The following DLGAP5 variants were observed in gnomAD, a reference collection of about 807,000 sequenced individuals.
The protein encoded by DLGAP5 is DLG associated protein 5, also known as disks large-associated protein 5.
Under a neutral mutation model 99.6 loss-of-function variants are expected in DLGAP5, and 90 were observed. The ratio of observed to expected loss-of-function variants is 0.90; its 90% CI spans 0.76 to 1.08. DLGAP5 has a LOEUF of 1.08. Ranked by LOEUF, DLGAP5 falls within the 50% of genes least tolerant of loss-of-function variation. The pLI, the probability that DLGAP5 is intolerant of heterozygous loss-of-function variation, is 0.00. For synonymous variants in DLGAP5, 311 were observed against 321.3 expected, an observed-to-expected ratio of 0.97 and a Z score of 0.34; for missense variants, 1,036 against 983.5, an observed-to-expected ratio of 1.05 and a Z score of -0.71.
intron 7 of DLGAP5, among the ~76,000 whole-genome samples, 192 bp from the exon 8 acceptor site, chr14:55,177,528 C>T (rs1211550605): frequency 6.6e-6 from 1 of 151,112 alleles, no homozygotes; most frequent in Non-Finnish European, 1.5e-5. Context: ...TTGCTATTAC[C>T]CGGGAATAGA....
At chr14:55,181,327 T>A in intron 4 of DLGAP5, 30 bp from the exon 5 acceptor site, 4 of 1,536,878 alleles carry the variant, frequency 2.6e-6, no homozygotes, top group Non-Finnish European at 3.6e-6. Context: ...CTATGTGATT[T>A]AATTGCATAA....
chr14:55,152,289 A>G (rs1166892959), intron 16 of DLGAP5, among the ~76,000 whole-genome samples: 3 of 152,266 alleles, frequency 2.0e-5, no homozygotes, highest in East Asian at 1.9e-4. Context: ...GCAGCCAGAT[A>G]GAATACATAA....
intron 8 of DLGAP5, among the ~76,000 whole-genome samples, 156 bp from the exon 9 acceptor site, chr14:55,176,174 C>T (rs989590630): frequency 5.9e-5 from 9 of 152,118 alleles, no homozygotes; most frequent in African/African-American, 1.7e-4. Context: ...ATGTAAACAC[C>T]TATAGTGTGA....
In DLGAP5 at chr14:55,159,033, T is replaced by C. The variant is rs183584800; in HGVS notation, c.1654-292A>G. Among the ~76,000 whole-genome samples, 15 of 140,910 alleles carry C rather than the reference T, an allele frequency of 1.1e-4. No homozygotes were observed. In the East Asian group the frequency reaches 3.1e-3, roughly 29 times the overall value. The allele number at this position is 140,910 out of a possible 152,430, so 92.4% of individuals were successfully genotyped here. A position where few individuals can be genotyped will look rare whatever the true frequency, so the allele number is the denominator to read the frequency against. ...AATTTAGGGGACATCCTTTAGATTA[T>C]AACCATGACACCCCCCCCCCATAAA... On this transcript the variant is annotated intron_variant, in intron 13 of 18. Transcript: ENST00000247191.
chr14:55,151,092 TGAA>T (rs898724411), intron 17 of DLGAP5, among the ~76,000 whole-genome samples: 7 of 152,202 alleles, frequency 4.6e-5, no homozygotes, highest in African/African-American at 1.7e-4. Context: ...AAAATGCTGA[TGAA>T]GAACAGCTGG....
chr14:55,178,939 C>G (rs748824362), intron 7 of DLGAP5, among the ~76,000 whole-genome samples: 1 of 151,928 alleles, frequency 6.6e-6, no homozygotes, highest in African/African-American at 2.4e-5. Context: ...CCCAACTACT[C>G]GGGAGGCTGA....
chr14:55,148,663 G>A (rs757548103), intron 18 of DLGAP5, 190 bp from the exon 19 acceptor site: 35 of 1,159,590 alleles, frequency 3.0e-5, no homozygotes, highest in African/African-American at 6.1e-5. Context: ...AGACCAGCCC[G>A]AGCAACATAG....
intron 10 of DLGAP5, among the ~76,000 whole-genome samples, chr14:55,172,578 C>T (rs537963115): frequency 6.6e-6 from 1 of 151,706 alleles, no homozygotes; most frequent in Non-Finnish European, 1.5e-5. Context: ...GAGCCAAGAG[C>T]GAGACACTGC....
At chr14:55,171,538 A>G (rs1882859778) in intron 10 of DLGAP5, among the ~76,000 whole-genome samples, 1 of 152,220 alleles carries the variant, frequency 6.6e-6, no homozygotes, top group Non-Finnish European at 1.5e-5. Flanking sequence ...AAAACGGCAA[A>G]GCCACTGTAG....
At chr14:55,169,342 T>TAAA (rs61278586) in intron 12 of DLGAP5, 57 bp downstream of exon 12, 475 of 870,358 alleles carry the variant, frequency 5.5e-4, no homozygotes, top group Non-Finnish European at 6.4e-4. Flanking sequence ...TCCTGCTACT[T>TAAA]AAAAAAAAAA....
At chr14:55,170,823 G>C in intron 10 of DLGAP5, 36 bp from the exon 11 acceptor site, 1 of 1,478,112 alleles carries the variant, frequency 6.8e-7, no homozygotes, top group Non-Finnish European at 9.5e-7. Flanking sequence ...TCTACAAGTG[G>C]TTTTTACACT....
chr14:55,184,086 G>A (rs1390663508), intron 2 of DLGAP5, among the ~76,000 whole-genome samples: 1 of 151,960 alleles, frequency 6.6e-6, no homozygotes, highest in Non-Finnish European at 1.5e-5. Context: ...CCAGGAGATG[G>A]AGGTTGCAGT....
chr14:55,169,105 G>C (rs994320607), intron 12 of DLGAP5, among the ~76,000 whole-genome samples: 1 of 147,836 alleles, frequency 6.8e-6, no homozygotes, highest in African/African-American at 2.5e-5. Flanking sequence ...GAACCTGGGG[G>C]GCAGAGACAG....
At chr14:55,149,339 T>C (rs1881930612) in intron 18 of DLGAP5, among the ~76,000 whole-genome samples, 2 of 152,196 alleles carry the variant, frequency 1.3e-5, no homozygotes, top group Admixed American at 6.5e-5. Context: ...TCTCAGTTTA[T>C]GATTAAAGAA....
chr14:55,152,731 G>T, intron 15 of DLGAP5, 84 bp from the exon 16 acceptor site: 2 of 1,182,244 alleles, frequency 1.7e-6, no homozygotes, highest in Non-Finnish European at 2.3e-6. Context: ...TTTAATGATG[G>T]CAATTAGTTT....
rs779560212 is a variant in DLGAP5 at position 55,179,664 on chromosome 14, T to A, written c.739A>T (p.Arg247Ter). 23 of 1,612,580 alleles carry A rather than the reference T, an allele frequency of 1.4e-5. No individual in the cohort carries two copies. Among genetic ancestry groups the A allele is most frequent in the Non-Finnish European group, 3.4e-6 (4 of 1,179,504 alleles). The change falls in exon 7 of 19, where the codon AGA becomes TGA. Residue 247 changes from arginine (R) to a stop codon, truncating the protein, a stop_gained. Transcript: ENST00000247191. LOFTEE classifies it high-confidence loss of function. ...EPEGKVPSKG[R>*]PAKNVETKPD... Reference sequence around the variant, plus strand: ...TTTGTTTCTACATTTTTGGCAGGTCTTCCTTTACTTGGCACCTTTCCTTCT... The same window carrying A: ...TTTGTTTCTACATTTTTGGCAGGTCATCCTTTACTTGGCACCTTTCCTTCT...
Position 55,160,392 on chromosome 14 carries a change from A to AT in DLGAP5, c.1654-1652dup, listed in dbSNP as rs1882376179. On this transcript the variant is annotated intron_variant, in intron 13 of 18. Transcript: ENST00000247191. ...CCTGGGCAACACAGCAAGACTCTAT[A>AT]TAAAAAAAAAAAAAAAGTAGACCAT... Among the ~76,000 whole-genome samples the AT allele has an allele frequency of 1.4e-4, 20 of 147,212 alleles. No homozygotes were observed. In the South Asian group the frequency reaches 4.2e-3, roughly 31 times the overall value.
At chr14:55,162,618 CA>C (rs368322756) in intron 13 of DLGAP5, among the ~76,000 whole-genome samples, 68 of 138,928 alleles carry the variant, frequency 4.9e-4, no homozygotes, top group Non-Finnish European at 5.3e-4. Flanking sequence ...GATTCCATCT[CA>C]AAAAAAAAAA....
At chr14:55,178,119 G>A (rs1273695008) in intron 7 of DLGAP5, among the ~76,000 whole-genome samples, 1 of 151,742 alleles carries the variant, frequency 6.6e-6, no homozygotes, top group African/African-American at 2.4e-5. Context: ...GGGCGTGGTG[G>A]CAGGCGCCTA....
Sources: gnomAD v4.1 joint callset for allele counts (sites outside exome capture counted in the v4.1 genomes callset) on GRCh38, gnomAD v4.1.1 for gene constraint, MANE v1.5 for transcripts, NCBI Gene and HGNC (gene_info 2026-07-23, HGNC 2026-07-21) for gene names.